Variants in PDE7B observed in about 807,000 individuals in gnomAD.
PDE7B encodes 3',5'-cyclic-AMP phosphodiesterase 7B.
In PDE7B, 29 loss-of-function variants were observed where a neutral mutation model predicts 56.2. The ratio of observed to expected loss-of-function variants is 0.52; its 90% CI spans 0.38 to 0.70. PDE7B has a LOEUF of 0.70. Among genes scored for constraint, PDE7B ranks in the 30% least tolerant of loss-of-function variants. The pLI, the probability that PDE7B is intolerant of heterozygous loss-of-function variation, is 0.00. For synonymous variants in PDE7B, 197 were observed against 196.9 expected (o/e 1.00, Z 0.00); for missense variants, 490 against 565.0 (o/e 0.87, Z 1.35).
At chr6:136,030,283 C>A (rs1421219368) in intron 2 of PDE7B, among the ~76,000 whole-genome samples, 1 of 152,202 alleles carries the variant, frequency 6.6e-6, no homozygotes, top group Admixed American at 6.5e-5. Flanking sequence ...ATGTTCTAGA[C>A]CCATGCTCTT....
At chr6:136,069,622 AC>A (rs964959076) in intron 2 of PDE7B, among the ~76,000 whole-genome samples, 2 of 152,228 alleles carry the variant, frequency 1.3e-5, no homozygotes, top group Admixed American at 1.3e-4. Context: ...GCCAATTAAA[AC>A]AAACTAGGTC....
chr6:136,078,800 C>T (rs777493690), intron 2 of PDE7B, among the ~76,000 whole-genome samples: 1 of 152,018 alleles, frequency 6.6e-6, no homozygotes, highest in Admixed American at 6.6e-5. Context: ...ATGCACTATA[C>T]ACTCATAAAA....
chr6:135,883,980 G>C (rs572298523), intron 1 of PDE7B, among the ~76,000 whole-genome samples: 2 of 152,136 alleles, frequency 1.3e-5, no homozygotes, highest in African/African-American at 2.4e-5. Flanking sequence ...TTTGTTTTGC[G>C]TTTGGTAGGA....
In PDE7B at chr6:135,965,681, C is replaced by T. The variant is rs148866934; in HGVS notation, c.82+18157C>T. ...ACTATTATGAGAACAGCATGGGAAC[C>T]GAACCTCATGATTCGGTTACCTCCC... On this transcript the variant is annotated intron_variant, in intron 2 of 12. Coordinates refer to ENST00000308191, the MANE Select transcript of PDE7B (RefSeq NM_018945.4). Among the ~76,000 whole-genome samples the T allele has an allele frequency of 1.6e-3, 243 of 152,208 alleles. 1 individual carries two copies. The East Asian group carries it at 0.027, about 17-fold the overall frequency.
intron 2 of PDE7B, among the ~76,000 whole-genome samples, chr6:135,988,396 C>A (rs146092998): frequency 6.6e-6 from 1 of 152,010 alleles, no homozygotes; most frequent in Non-Finnish European, 1.5e-5. Flanking sequence ...TTTAGGCAGG[C>A]AATCCTCTTT....
chr6:135,929,311 C>A (rs1562443224), intron 1 of PDE7B, among the ~76,000 whole-genome samples: 1 of 151,886 alleles, frequency 6.6e-6, no homozygotes, highest in Non-Finnish European at 1.5e-5. Context: ...ACGGGACATG[C>A]AAAATAAAAC....
chr6:136,176,363 G>T (rs913762616), intron 9 of PDE7B, among the ~76,000 whole-genome samples: 3 of 151,928 alleles, frequency 2.0e-5, no homozygotes, highest in Admixed American at 6.6e-5. Context: ...TCCCATTATA[G>T]ATCTTTTCAG....
chr6:136,070,167 T>C (rs1042879553), intron 2 of PDE7B: 1 of 150,760 alleles, frequency 6.6e-6, no homozygotes, highest in Non-Finnish European at 1.5e-5. Flanking sequence ...AAACAGAAGA[T>C]TTAAAATGAA....
intron 1 of PDE7B, among the ~76,000 whole-genome samples, chr6:135,886,418 G>T (rs1775710614): frequency 6.6e-6 from 1 of 151,698 alleles, no homozygotes; most frequent in Non-Finnish European, 1.5e-5. Context: ...AGTGGTTTTT[G>T]GTTACATGGA....
chr6:135,896,540 C>A (rs569905760), intron 1 of PDE7B, among the ~76,000 whole-genome samples: 1 of 152,242 alleles, frequency 6.6e-6, no homozygotes, highest in African/African-American at 2.4e-5. Flanking sequence ...CCACTGTATG[C>A]CTGCTCATGT....
intron 12 of PDE7B, among the ~76,000 whole-genome samples, chr6:136,191,159 G>A (rs935335811): frequency 6.6e-6 from 1 of 151,732 alleles, no homozygotes; most frequent in Non-Finnish European, 1.5e-5. Flanking sequence ...ACAACCCTAC[G>A]AGTTTAGTAT....
chr6:136,158,983 A>G (rs1562509095), intron 8 of PDE7B, among the ~76,000 whole-genome samples: 1 of 152,240 alleles, frequency 6.6e-6, no homozygotes, highest in East Asian at 1.9e-4. Flanking sequence ...TCCTTTCAAT[A>G]GAGTCCAACA....
At chr6:135,979,939 A>G (rs984623224) in intron 2 of PDE7B, among the ~76,000 whole-genome samples, 8 of 152,206 alleles carry the variant, frequency 5.3e-5, no homozygotes, top group Admixed American at 5.2e-4. Flanking sequence ...TGAAAAAACT[A>G]CTTTAAAGTT....
At chr6:135,933,705 TAATC>T (rs1313055239) in intron 1 of PDE7B, among the ~76,000 whole-genome samples, 2 of 140,918 alleles carry the variant, frequency 1.4e-5, no homozygotes, top group Admixed American at 7.6e-5. Flanking sequence ...AGTTAAATGA[TAATC>T]ATTGTTAAAT....
intron 1 of PDE7B, among the ~76,000 whole-genome samples, chr6:135,927,346 C>A (rs1774211021): frequency 1.3e-5 from 2 of 151,886 alleles, no homozygotes; most frequent in African/African-American, 4.8e-5. Flanking sequence ...TTCTTTTTTT[C>A]TTAGGATTAC....
intron 1 of PDE7B, among the ~76,000 whole-genome samples, chr6:135,917,604 G>GTT (rs767072451): frequency 1.4e-5 from 2 of 144,548 alleles, no homozygotes; most frequent in African/African-American, 2.6e-5. Flanking sequence ...ATTTGTTGTT[G>GTT]TTTTTTTTTT....
At chr6:135,986,116 T>C (rs1173402084) in intron 2 of PDE7B, among the ~76,000 whole-genome samples, 1 of 152,200 alleles carries the variant, frequency 6.6e-6, no homozygotes, top group Non-Finnish European at 1.5e-5. Flanking sequence ...TCACTAGAAC[T>C]ATCACATTAC....
chr6:136,101,007 A>G (rs1218695556), intron 2 of PDE7B, among the ~76,000 whole-genome samples: 2 of 152,238 alleles, frequency 1.3e-5, no homozygotes, highest in Admixed American at 6.5e-5. Context: ...CCTTTTCTGC[A>G]TCTATTGAGA....
At chr6:136,160,732 C>G (rs1042818452) in intron 8 of PDE7B, among the ~76,000 whole-genome samples, 1 of 152,138 alleles carries the variant, frequency 6.6e-6, no homozygotes, top group Non-Finnish European at 1.5e-5. Context: ...TGATCTGACC[C>G]CTGCCAGTCC....
Sources: allele counts gnomAD v4.1 joint callset (sites outside exome capture counted in the v4.1 genomes callset), GRCh38; gene constraint gnomAD v4.1.1; transcripts MANE v1.5; gene names NCBI Gene and HGNC (gene_info 2026-07-23, HGNC 2026-07-21).